TNKS: variants seen among roughly 807,000 people sequenced by gnomAD.
TNKS encodes the protein tankyrase.
TNKS carries 72 observed loss-of-function variants against 135.8 expected under a neutral mutation model. The observed-to-expected ratio is 0.53, with a 90% confidence interval of 0.44 to 0.64. The LOEUF is 0.64. TNKS is among the 30% of genes least tolerant of loss of function. The pLI is 0.00. For missense variants in TNKS, 1,769 were observed against 1,674.0 expected (o/e 1.06, Z -0.99); for synonymous variants, 849 against 649.3 (o/e 1.31, Z -4.68).
At chr8:9,598,595 C>G (rs1007049898) in intron 2 of TNKS, among the ~76,000 whole-genome samples, 1 of 150,514 alleles carries the variant, frequency 6.6e-6, no homozygotes, top group Non-Finnish European at 1.5e-5. Flanking sequence ...ACTCGGGAGG[C>G]TGAGGTGGGA....
chr8:9,660,370 A>G (rs966777614), intron 3 of TNKS, among the ~76,000 whole-genome samples: 2 of 152,188 alleles, frequency 1.3e-5, no homozygotes, highest in African/African-American at 2.4e-5. Context: ...CCAGCAACAC[A>G]TCAAAAAGCT....
Position 9,660,313 on chromosome 8 carries a change from A to G in TNKS, c.995-19638A>G, listed in dbSNP as rs1253955691. Among the ~76,000 whole-genome samples, 8 of 152,338 alleles carry G rather than the reference A, an allele frequency of 5.3e-5. No homozygotes were observed. In the East Asian group the frequency reaches 1.5e-3, roughly 29 times the overall value. On this transcript the variant is annotated intron_variant, in intron 3 of 26. Transcript: ENST00000310430. ...AGAGAATTTTAGACCAATATCCTTG[A>G]TGAACATCGATGCAAAAATCCTCAA...
intron 1 of TNKS, among the ~76,000 whole-genome samples, chr8:9,566,961 A>G (rs777651818): frequency 6.6e-6 from 1 of 152,162 alleles, no homozygotes; most frequent in Non-Finnish European, 1.5e-5. Flanking sequence ...CTTTTAAGTA[A>G]TGGTGCCAGA....
intron 1 of TNKS, 43 bp from the exon 2 acceptor site, chr8:9,580,116 A>G (rs950493171): frequency 1.4e-5 from 21 of 1,555,200 alleles, no homozygotes; most frequent in Middle Eastern, 1.7e-4. Context: ...TTCTTTTTAC[A>G]AAATCAAATA....
At chr8:9,635,619 T>C (rs7846399) in intron 3 of TNKS, among the ~76,000 whole-genome samples, 90,105 of 151,932 alleles carry the variant, frequency 0.59, 27,094 homozygotes, top group Middle Eastern at 0.7. Flanking sequence ...ATACTTTTTT[T>C]GGATATCAAA....
chr8:9,698,319 C>T (rs1178230350), intron 5 of TNKS, among the ~76,000 whole-genome samples: 1 of 141,480 alleles, frequency 7.1e-6, no homozygotes, highest in East Asian at 2.0e-4. Context: ...CTGCAGTATA[C>T]CCATGTAACA....
chr8:9,770,257 G>C lies in TNKS; in HGVS notation c.3892G>C (p.Glu1298Gln). The part of the protein sequence containing the change: ...AYAEYVIYRG[E>Q]QAYPEYLITY... ...TGCTGAATATGTCATCTACAGAGGAGAACAGGTATGTTACTCATCAAACAA... is the reference window on the plus strand; with the variant it reads ...TGCTGAATATGTCATCTACAGAGGACAACAGGTATGTTACTCATCAAACAA... Residue 1298 changes from glutamate (E) to glutamine (Q), a missense_variant, in exon 26 of 27, where the codon GAA becomes CAA. Glu to Gln is a conservative substitution (Grantham distance 29, BLOSUM62 2). This residue lies in a region of TNKS where 722 missense variants were observed against 688.9 expected (regional missense o/e 1.05). Transcript: ENST00000310430. 1.9e-6 allele frequency: 3 copies of C among 1,610,152 alleles called. No individual in the cohort carries two copies. Among genetic ancestry groups the C allele is most frequent in the Non-Finnish European group, 2.5e-6 (3 of 1,177,640 alleles).
chr8:9,775,531 T>C (rs1808187196), intron 26 of TNKS, among the ~76,000 whole-genome samples: 1 of 141,606 alleles, frequency 7.1e-6, no homozygotes, highest in African/African-American at 2.5e-5. Context: ...ATTTATGTTT[T>C]TTTGTTATTT....
chr8:9,577,217 G>A (rs1477815983), intron 1 of TNKS, among the ~76,000 whole-genome samples: 1 of 151,994 alleles, frequency 6.6e-6, no homozygotes, highest in Non-Finnish European at 1.5e-5. Flanking sequence ...GGCAACATGT[G>A]AAATTTTAAA....
intron 18 of TNKS, among the ~76,000 whole-genome samples, chr8:9,748,437 G>A (rs902732032): frequency 6.6e-6 from 1 of 152,098 alleles, no homozygotes; most frequent in Non-Finnish European, 1.5e-5. Context: ...TAGCCTGCTG[G>A]GAAAACATGG....
At chr8:9,716,650 A>C (rs937828907) in intron 11 of TNKS, among the ~76,000 whole-genome samples, 1 of 151,912 alleles carries the variant, frequency 6.6e-6, no homozygotes, top group Non-Finnish European at 1.5e-5. Flanking sequence ...GCCGTTCTCT[A>C]TGTCTCTGCC....
At chr8:9,688,450 A>G (rs910414239) in intron 5 of TNKS, among the ~76,000 whole-genome samples, 15 of 152,342 alleles carry the variant, frequency 9.8e-5, no homozygotes, top group Non-Finnish European at 1.9e-4. Flanking sequence ...TATAAAACCA[A>G]TGTAAACTAT....
chr8:9,613,385 C>G (rs931718734), intron 2 of TNKS, among the ~76,000 whole-genome samples: 3 of 152,150 alleles, frequency 2.0e-5, no homozygotes, highest in African/African-American at 7.2e-5. Flanking sequence ...GTCCTCCTGG[C>G]AATCTTGTAA....
At chr8:9,584,257 AT>A (rs1306068397) in intron 2 of TNKS, among the ~76,000 whole-genome samples, 1 of 146,322 alleles carries the variant, frequency 6.8e-6, no homozygotes, top group Non-Finnish European at 1.5e-5. Flanking sequence ...TCTTTTTCTG[AT>A]TTTGGAGATT....
At chr8:9,556,985 G>T (rs995656379) in intron 1 of TNKS, 7 of 409,822 alleles carry the variant, frequency 1.7e-5, no homozygotes, top group East Asian at 1.2e-4. Flanking sequence ...TTTTACAAGG[G>T]TATGTCCTTT....
intron 2 of TNKS, among the ~76,000 whole-genome samples, chr8:9,601,057 C>G (rs1190873394): frequency 1.3e-5 from 2 of 152,150 alleles, no homozygotes; most frequent in Admixed American, 1.3e-4. Flanking sequence ...ACATATTAAA[C>G]AGCATGCATA....
chr8:9,690,653 G>A (rs1358293425), intron 5 of TNKS, among the ~76,000 whole-genome samples: 3 of 152,072 alleles, frequency 2.0e-5, no homozygotes, highest in Non-Finnish European at 4.4e-5. Flanking sequence ...TACACGGGAG[G>A]CTGAGGCAGG....
chr8:9,715,707 A>G lies in TNKS; in HGVS notation c.1750-4667A>G, dbSNP rs1008724673. ...AATATTCAGCAAAAGATTAGAAAAC[A>G]AATTGCTAGTAAGGAGAGTTACAAG... is the stretch of plus-strand genomic sequence containing the variant. On this transcript the variant is annotated intron_variant, in intron 11 of 26. Transcript: ENST00000310430. 2.0e-5 allele frequency among the ~76,000 whole-genome samples: 3 copies of G among 152,192 alleles called. No individual in the cohort carries two copies. In the South Asian group the frequency reaches 6.2e-4, roughly 31 times the overall value.
chr8:9,681,500 T>C (rs550486739), intron 5 of TNKS, among the ~76,000 whole-genome samples: 20 of 152,112 alleles, frequency 1.3e-4, no homozygotes, highest in Non-Finnish European at 4.4e-5. Flanking sequence ...GTGATTTACG[T>C]AATAGACATT....
Sources: gnomAD v4.1 joint callset for allele counts (sites outside exome capture counted in the v4.1 genomes callset) on GRCh38, gnomAD v4.1.1 for gene constraint, gnomAD v4.1.1 regional missense constraint, MANE v1.5 for transcripts, NCBI Gene and HGNC (gene_info 2026-07-23, HGNC 2026-07-21) for gene names.